REST: variants seen among roughly 807,000 people sequenced by gnomAD.
REST encodes the protein RE1 silencing transcription factor, also known as RE1-silencing transcription factor.
In REST, 1 loss-of-function variant was observed where a neutral mutation model predicts 30.4. The ratio of observed to expected loss-of-function variants is 0.03; its 90% confidence interval spans 0.01 to 0.16. The LOEUF (loss-of-function observed/expected upper bound fraction) is 0.16, where lower values mean the gene tolerates loss of function less well. Among genes scored for constraint, REST ranks in the 10% least tolerant of loss-of-function variants. The probability of loss-of-function intolerance (pLI) is 1.00; values close to 1 mark genes in which losing one functional copy is unlikely to be tolerated. For synonymous variants in REST, 504 were observed against 451.1 expected (o/e 1.12, Z -1.49); for missense variants, 1,259 against 1,329.5 (o/e 0.95, Z 0.82).
intron 2 of REST, among the ~76,000 whole-genome samples, chr4:56,912,365 C>T (rs1719971618): frequency 1.7e-5 from 2 of 116,670 alleles, no homozygotes; most frequent in South Asian, 2.7e-4. Context: ...TTTTTTGAGA[C>T]AGTCTGGCTT....
rs11317856 is a variant in REST at position 56,924,619 on chromosome 4, G to GT, written c.982+4761dup. On this transcript the variant is annotated intron_variant, in intron 3 of 3. Transcript: ENST00000309042. ...ACCACAGGTGTGCGCTACCATGCCT[G>GT]TTTTTTTTTTTTCTTTCTTTTTTGT... Among the ~76,000 whole-genome samples the GT allele has an allele frequency of 8.0e-3, 1,175 of 146,970 alleles. 8 individuals carry two copies. The highest frequency in any genetic ancestry group is 0.017 in the South Asian group (78 of 4,646).
intron 2 of REST, among the ~76,000 whole-genome samples, chr4:56,914,781 T>C (rs903755515): frequency 6.6e-6 from 1 of 152,132 alleles, no homozygotes; most frequent in African/African-American, 2.4e-5. Flanking sequence ...CTTGAACTCC[T>C]GACCTCAGGT....
rs759829238 is a variant in REST, at chr4:56,931,246, G to A, written c.2388G>A (p.Glu796=). The change falls in exon 4 of 4, where the codon GAG becomes GAA. Residue 796 remains glutamate (E), a synonymous_variant. Transcript: ENST00000309042. ...GVVQKEPAQR[E]PPPPREPPLH... ...TTCAGAAGGAGCCTGCTCAGAGGGA[G>A]CCACCTCCTCCCAGAGAGCCTCCCC... The A allele has an allele frequency of 6.2e-7, 1 of 1,614,214 alleles. No homozygotes were observed. The highest frequency in any genetic ancestry group is 8.5e-7 in the Non-Finnish European group (1 of 1,180,026).
chr4:56,929,740 T>A, intron 3 of REST, 101 bp from the exon 4 acceptor site: 1 of 1,025,876 alleles, frequency 9.7e-7, no homozygotes, highest in Non-Finnish European at 1.4e-6. Flanking sequence ...TACAGCATTT[T>A]AAATAGTCTT....
intron 2 of REST, among the ~76,000 whole-genome samples, chr4:56,912,185 G>A (rs904918708): frequency 6.6e-6 from 1 of 152,172 alleles, no homozygotes; most frequent in Non-Finnish European, 1.5e-5. Flanking sequence ...AAAAAGAAAT[G>A]TGAGAAGGTA....
At chr4:56,919,526 CTG>C (rs758981933) in intron 2 of REST, among the ~76,000 whole-genome samples, 5 of 152,158 alleles carry the variant, frequency 3.3e-5, no homozygotes, top group South Asian at 4.1e-4. Flanking sequence ...TGCAGTATCA[CTG>C]TGAAAATTAA....
Position 56,931,602 on chromosome 4 carries a change from A to G in REST, c.2744A>G (p.Glu915Gly), listed in dbSNP as rs1720975954. Residue 915 changes from glutamate to glycine, a missense_variant, in exon 4 of 4, where the codon GAA becomes GGA. Physicochemically the swap from Glu to Gly is moderately conservative, Grantham distance 98. Around this residue, in one of 5 missense-constraint regions of REST, gnomAD observed 856 missense variants for 772.8 expected, o/e 1.11. Transcript: ENST00000309042. ...CCTGGTCTTGCTGCTAATATCAACGAATCTACCCATATTTCATCCTCTGGA... is the reference window on the plus strand; with the variant it reads ...CCTGGTCTTGCTGCTAATATCAACGGATCTACCCATATTTCATCCTCTGGA... Reference protein sequence around the residue: ...SLPGLAANINESTHISSSGQN... With the variant: ...SLPGLAANINGSTHISSSGQN... The G allele has an allele frequency of 6.2e-7, 1 of 1,614,102 alleles. No individual in the cohort carries two copies. Among genetic ancestry groups the G allele is most frequent in the Non-Finnish European group, 8.5e-7 (1 of 1,180,042 alleles).
In REST at chr4:56,919,887, A is replaced by G. The variant is rs1720369519; in HGVS notation, c.982+17A>G. The G allele has an allele frequency of 1.4e-6, 2 of 1,406,600 alleles. No individual in the cohort carries two copies. The highest frequency in any genetic ancestry group is 1.3e-5 in the South Asian group (1 of 75,520). 87.1% of individuals were successfully genotyped at this position (1,406,600 alleles called of 1,614,324 possible). A position where few individuals can be genotyped will look rare whatever the true frequency, so the allele number is the denominator to read the frequency against. On this transcript the variant is annotated intron_variant, in intron 3 of 3. Coordinates refer to ENST00000309042, the MANE Select transcript of REST (RefSeq NM_005612.5). ...CTCATTCAGGTTGGTAAGAAATTGG[A>G]ACTTTTCTATCATTTTCAGTAAATG...
Position 56,934,248 on chromosome 4 carries a change from A to G in REST, c.*2096A>G, listed in dbSNP as rs1382001088. On this transcript the variant is annotated 3_prime_UTR_variant, in exon 4 of 4. Coordinates refer to ENST00000309042, the MANE Select transcript of REST (RefSeq NM_005612.5). ...GTTTTAATGTTCATGGGTACATTTT[A>G]CCTAAGTTACCGTTTACATTGTATA... is the stretch of plus-strand genomic sequence containing the variant. 1 of 152,222 alleles carries G rather than the reference A, an allele frequency of 6.6e-6. No individual in the cohort carries two copies. Among genetic ancestry groups the G allele is most frequent in the East Asian group, 1.9e-4 (1 of 5,200 alleles). The allele number at this position is 152,222 out of a possible 1,614,324, so 9.4% of individuals were successfully genotyped here.
chr4:56,914,792 C>T (rs928377050), intron 2 of REST, among the ~76,000 whole-genome samples: 2 of 151,892 alleles, frequency 1.3e-5, no homozygotes, highest in Non-Finnish European at 2.9e-5. Flanking sequence ...GACCTCAGGT[C>T]GTCTGCCCAC....
chr4:56,911,035 A>G lies in REST; in HGVS notation c.397A>G (p.Ile133Val), dbSNP rs1424886471. The stretch of plus-strand genomic sequence containing the variant: ...ATTTGAGGCATCAGGTGCTCCAGAT[A>G]TTTACAGTTCAAATAAAGATCTTCC... ...PVFEASGAPDIYSSNKDLPPE... is the reference protein window; with the variant it reads ...PVFEASGAPDVYSSNKDLPPE... The change falls in exon 2 of 4, where the codon ATT becomes GTT. Residue 133 changes from isoleucine (I) to valine (V), a missense_variant. By Grantham distance (29) the Ile-to-Val change is conservative. This residue lies in a region of REST where 249 missense variants were observed against 251.5 expected (regional missense o/e 0.99). Coordinates refer to ENST00000309042, the MANE Select transcript of REST (RefSeq NM_005612.5). The G allele has an allele frequency of 1.2e-6, 2 of 1,614,168 alleles. No homozygotes were observed. The highest frequency in any genetic ancestry group is 1.7e-6 in the Non-Finnish European group (2 of 1,180,032).
At chr4:56,923,761 G>A (rs1487360564) in intron 3 of REST, among the ~76,000 whole-genome samples, 1 of 147,348 alleles carries the variant, frequency 6.8e-6, no homozygotes, top group Non-Finnish European at 1.5e-5. Flanking sequence ...TCTTGCTGTC[G>A]CCCAGGCTGG....
chr4:56,915,347 G>A (rs1720146697), intron 2 of REST, among the ~76,000 whole-genome samples: 1 of 145,762 alleles, frequency 6.9e-6, no homozygotes, highest in Admixed American at 7.1e-5. Context: ...CAGGGCTTAA[G>A]TGATTCTCCT....
intron 2 of REST, among the ~76,000 whole-genome samples, chr4:56,912,254 C>G (rs576023340): frequency 1.1e-4 from 17 of 151,838 alleles, no homozygotes; most frequent in African/African-American, 3.9e-4. Flanking sequence ...TGAAAGCAAA[C>G]ACTTGTAGAA....
At chr4:56,920,110 T>C (rs939656510) in intron 3 of REST, 30 of 312,030 alleles carry the variant, frequency 9.6e-5, no homozygotes, top group African/African-American at 6.0e-4. Context: ...TTAATTCTCA[T>C]CAAATCTTTG....
At chr4:56,911,703 T>G in intron 2 of REST, 167 bp downstream of exon 2, 2 of 606,742 alleles carry the variant, frequency 3.3e-6, no homozygotes, top group Non-Finnish European at 5.8e-6. Context: ...CAGAAATTTC[T>G]CCATGGAGTA....
chr4:56,913,559 T>G (rs989775309), intron 2 of REST, among the ~76,000 whole-genome samples: 1 of 151,966 alleles, frequency 6.6e-6, no homozygotes, highest in African/African-American at 2.4e-5. Context: ...CTTACAGGAG[T>G]TGGCACTTGA....
intron 1 of REST, chr4:56,909,033 C>T (rs1461520957): frequency 1.3e-5 from 2 of 152,268 alleles, no homozygotes; most frequent in Non-Finnish European, 2.9e-5. Context: ...CGGACGCCGG[C>T]TGCGCGGTAA....
intron 3 of REST, among the ~76,000 whole-genome samples, chr4:56,926,543 A>AT (rs1345984155): frequency 4.0e-5 from 6 of 151,572 alleles, no homozygotes; most frequent in Admixed American, 3.9e-4. Flanking sequence ...CGCCTAGCTA[A>AT]TTTTTTTGTA....
Sources: gnomAD v4.1 joint callset for allele counts (sites outside exome capture counted in the v4.1 genomes callset) on GRCh38, gnomAD v4.1.1 for gene constraint, gnomAD v4.1.1 regional missense constraint, MANE v1.5 for transcripts, NCBI Gene and HGNC (gene_info 2026-07-23, HGNC 2026-07-21) for gene names.